Variants in CNTNAP5 observed in about 807,000 individuals in gnomAD.
CNTNAP5 encodes contactin associated protein family member 5.
CNTNAP5 carries 72 observed loss-of-function variants against 150.2 expected under a neutral mutation model. The ratio of observed to expected loss-of-function variants is 0.48; its 90% CI spans 0.40 to 0.58. CNTNAP5 has a LOEUF of 0.58. Among genes scored for constraint, CNTNAP5 ranks in the 20% least tolerant of loss-of-function variants. The probability of loss-of-function intolerance (pLI) is 0.00; values close to 1 mark genes in which losing one functional copy is unlikely to be tolerated. For missense variants in CNTNAP5, 1,636 were observed against 1,626.2 expected, an observed-to-expected ratio of 1.01 and a Z score of -0.10; for synonymous variants, 672 against 619.8, an observed-to-expected ratio of 1.08 and a Z score of -1.25.
intron 13 of CNTNAP5, among the ~76,000 whole-genome samples, chr2:124,717,028 G>A (rs1679959077): frequency 2.0e-5 from 3 of 152,028 alleles, no homozygotes; most frequent in African/African-American, 4.8e-5. Context: ...TTAATCTCTG[G>A]ATGATCATCC....
chr2:124,389,857 T>C (rs892483399), intron 3 of CNTNAP5, among the ~76,000 whole-genome samples: 4 of 152,030 alleles, frequency 2.6e-5, no homozygotes, highest in African/African-American at 9.7e-5. Context: ...TCCCAGCTAC[T>C]TGGGAGGCTG....
chr2:124,750,952 C>A (rs1482854005), intron 14 of CNTNAP5, among the ~76,000 whole-genome samples: 1 of 145,276 alleles, frequency 6.9e-6, no homozygotes, highest in East Asian at 2.0e-4. Context: ...CCACTGCACT[C>A]CAGCCTAGTG....
intron 2 of CNTNAP5, among the ~76,000 whole-genome samples, chr2:124,231,487 G>A (rs1218013697): frequency 6.6e-6 from 1 of 152,144 alleles, no homozygotes; most frequent in Non-Finnish European, 1.5e-5. Context: ...TGATGTTGAT[G>A]TAAGATCTTA....
intron 3 of CNTNAP5, among the ~76,000 whole-genome samples, chr2:124,340,554 G>A (rs1011829473): frequency 6.6e-6 from 1 of 151,960 alleles, no homozygotes; most frequent in Non-Finnish European, 1.5e-5. Context: ...GGAAGGTAAA[G>A]GGTAGAACTT....
At chr2:124,307,358 C>A (rs1444189670) in intron 3 of CNTNAP5, among the ~76,000 whole-genome samples, 2 of 152,126 alleles carry the variant, frequency 1.3e-5, no homozygotes, top group Non-Finnish European at 2.9e-5. Context: ...TCCCAAGGTC[C>A]CATCTCCAAG....
At chr2:124,740,932 C>A (rs547898624) in intron 13 of CNTNAP5, among the ~76,000 whole-genome samples, 3 of 152,120 alleles carry the variant, frequency 2.0e-5, no homozygotes, top group Admixed American at 6.5e-5. Context: ...TGGAACTGAA[C>A]CATCATCATT....
intron 17 of CNTNAP5, among the ~76,000 whole-genome samples, chr2:124,775,193 G>T (rs1387872957): frequency 6.6e-6 from 1 of 152,180 alleles, no homozygotes; most frequent in Non-Finnish European, 1.5e-5. Flanking sequence ...ATTTAGAAAT[G>T]TCAGGTAGCC....
intron 21 of CNTNAP5, among the ~76,000 whole-genome samples, chr2:124,871,988 C>A (rs991541707): frequency 2.6e-5 from 4 of 151,942 alleles, no homozygotes; most frequent in Non-Finnish European, 1.5e-5. Context: ...CTTGCTAATT[C>A]TATCATCATA....
intron 3 of CNTNAP5, among the ~76,000 whole-genome samples, chr2:124,264,352 T>A (rs1687543505): frequency 6.7e-6 from 1 of 149,092 alleles, no homozygotes; most frequent in African/African-American, 2.5e-5. Context: ...CCCAAATCTA[T>A]ACCCTTCCCC....
chr2:124,813,496 A>G (rs966732734), intron 19 of CNTNAP5, among the ~76,000 whole-genome samples: 3 of 151,406 alleles, frequency 2.0e-5, no homozygotes, highest in African/African-American at 7.3e-5. Flanking sequence ...ACCCAAATCT[A>G]TATGCCTAGC....
intron 8 of CNTNAP5, 73 bp from the exon 9 acceptor site, chr2:124,524,230 G>T: frequency 6.6e-7 from 1 of 1,508,290 alleles, no homozygotes; most frequent in South Asian, 1.2e-5. Context: ...GCAGCAGGCT[G>T]GGAAATGAGC....
chr2:124,396,269 G>A (rs1691240610), intron 3 of CNTNAP5, among the ~76,000 whole-genome samples: 1 of 152,198 alleles, frequency 6.6e-6, no homozygotes, highest in Admixed American at 6.5e-5. Flanking sequence ...GTGAAGCAAA[G>A]TATAAACAGG....
At chr2:124,816,508 G>A (rs892197877) in intron 19 of CNTNAP5, among the ~76,000 whole-genome samples, 3 of 121,492 alleles carry the variant, frequency 2.5e-5, no homozygotes, top group South Asian at 2.5e-4. Context: ...ACAGAGTCTC[G>A]CTTTTGTTGC....
intron 3 of CNTNAP5, among the ~76,000 whole-genome samples, chr2:124,243,592 A>G (rs924099461): frequency 6.6e-6 from 1 of 152,128 alleles, no homozygotes; most frequent in African/African-American, 2.4e-5. Flanking sequence ...TTCATTTTCA[A>G]AAATAGTCTA....
chr2:124,854,018 A>C (rs77302429), intron 19 of CNTNAP5, among the ~76,000 whole-genome samples: 17,862 of 152,202 alleles, frequency 0.12, 1,248 homozygotes, highest in Non-Finnish European at 0.16. Context: ...ATAGTATTTC[A>C]TGGTGTCTAT....
intron 10 of CNTNAP5, among the ~76,000 whole-genome samples, chr2:124,547,123 A>G (rs10195491): frequency 0.016 from 2,423 of 152,126 alleles, 64 homozygotes; most frequent in African/African-American, 0.055. Flanking sequence ...TGCAAGTTTT[A>G]TACCAGCCTC....
chr2:124,676,185 G>A (rs757229547), intron 13 of CNTNAP5, among the ~76,000 whole-genome samples: 6 of 152,156 alleles, frequency 3.9e-5, no homozygotes, highest in Non-Finnish European at 7.4e-5. Context: ...TTTGCTGAGT[G>A]TCTCTGACTT....
chr2:124,507,714 C>T (rs1049805740), intron 8 of CNTNAP5, among the ~76,000 whole-genome samples: 19 of 152,142 alleles, frequency 1.2e-4, no homozygotes, highest in African/African-American at 4.6e-4. Flanking sequence ...TGTAGCAATG[C>T]AGGTTTTCTC....
At chr2:124,483,896 C>G (rs1160066037) in intron 7 of CNTNAP5, among the ~76,000 whole-genome samples, 3 of 152,236 alleles carry the variant, frequency 2.0e-5, no homozygotes, top group Non-Finnish European at 4.4e-5. Flanking sequence ...TTTCTGCTCT[C>G]CTGGCCACCG....
Sources: allele counts gnomAD v4.1 joint callset (sites outside exome capture counted in the v4.1 genomes callset), GRCh38; gene constraint gnomAD v4.1.1; transcripts MANE v1.5; gene names NCBI Gene and HGNC (gene_info 2026-07-23, HGNC 2026-07-21).